The following AMZ1 variants were observed in gnomAD, a reference collection of about 807,000 sequenced individuals.
The protein encoded by AMZ1 is archaelysin family metallopeptidase 1.
Under a neutral mutation model 29.9 loss-of-function variants are expected in AMZ1, and 39 were observed. That is an observed-to-expected ratio of 1.30 (90% CI 1.01 to 1.70). The LOEUF (loss-of-function observed/expected upper bound fraction) is 1.70. Ranked by LOEUF, AMZ1 falls within the 40% of genes most tolerant of loss-of-function variation. The pLI is 0.00. For synonymous variants in AMZ1, 458 were observed against 304.0 expected, an observed-to-expected ratio of 1.51 and a Z score of -5.27; for missense variants, 1,041 against 680.6, an observed-to-expected ratio of 1.53 and a Z score of -5.89.
intron 4 of AMZ1, among the ~76,000 whole-genome samples, chr7:2,759,377 A>G (rs375712210): frequency 9.9e-5 from 15 of 152,152 alleles, no homozygotes; most frequent in Admixed American, 6.5e-4. Context: ...GGCCTCCCCC[A>G]TATCACCTTC....
chr7:2,726,756 C>T (rs1433889155), intron 4 of AMZ1, among the ~76,000 whole-genome samples: 1 of 152,226 alleles, frequency 6.6e-6, no homozygotes, highest in East Asian at 1.9e-4. Flanking sequence ...CCCGTGATGC[C>T]GAAGAGCAAG....
chr7:2,743,961 G>A (rs576680556), intron 4 of AMZ1, among the ~76,000 whole-genome samples: 41 of 152,236 alleles, frequency 2.7e-4, no homozygotes, highest in Middle Eastern at 3.4e-3. Flanking sequence ...AGGCAGCAGC[G>A]AGGCTGGGGG....
At chr7:2,704,621 G>A (rs1770231760) in intron 3 of AMZ1, among the ~76,000 whole-genome samples, 1 of 118,120 alleles carries the variant, frequency 8.5e-6, no homozygotes, top group Non-Finnish European at 1.6e-5. Flanking sequence ...TTTTAAGACG[G>A]AGTCTTGCTG....
At chr7:2,708,459 G>C in intron 3 of AMZ1, 129 bp from the exon 4 acceptor site, 1 of 1,397,228 alleles carries the variant, frequency 7.2e-7, no homozygotes, top group Non-Finnish European at 9.6e-7. Context: ...AAACGCTGGT[G>C]GCCCACACCT....
chr7:2,723,073 C>T (rs771073183), downstream of AMZ1, among the ~76,000 whole-genome samples: 1 of 152,168 alleles, frequency 6.6e-6, no homozygotes, highest in Non-Finnish European at 1.5e-5. Context: ...ATTTGCATGG[C>T]AGTTGTACAA....
At chr7:2,687,832 C>T (rs1036014878), upstream of AMZ1, among the ~76,000 whole-genome samples, 1 of 151,800 alleles carries the variant, frequency 6.6e-6, no homozygotes, top group African/African-American at 2.4e-5. Context: ...CCTGGTTCCC[C>T]TTCCTCACCT....
At chr7:2,704,516 C>T (rs7796159) in intron 3 of AMZ1, among the ~76,000 whole-genome samples, 1 of 148,722 alleles carries the variant, frequency 6.7e-6, no homozygotes, top group Admixed American at 6.7e-5. Flanking sequence ...ATATTGTGTT[C>T]CTAATTTCAG....
intron 4 of AMZ1, among the ~76,000 whole-genome samples, chr7:2,743,189 G>C (rs913881716): frequency 6.6e-6 from 1 of 152,166 alleles, no homozygotes; most frequent in Non-Finnish European, 1.5e-5. Context: ...CGTATATATG[G>C]GGGCAAACTG....
intron 6 of AMZ1, among the ~76,000 whole-genome samples, chr7:2,711,076 C>T (rs967696276): frequency 7.2e-4 from 109 of 151,916 alleles, no homozygotes; most frequent in African/African-American, 2.5e-3. Flanking sequence ...AGCCTGGATC[C>T]ACCTGGATCT....
At chr7:2,711,707 C>T (rs1788790214) in intron 6 of AMZ1, among the ~76,000 whole-genome samples, 1 of 152,150 alleles carries the variant, frequency 6.6e-6, no homozygotes, top group Non-Finnish European at 1.5e-5. Flanking sequence ...GCGTGAGCCA[C>T]CATGCCCACA....
Position 2,698,536 on chromosome 7 carries a change from T to TA in AMZ1, c.-218-1691dup, listed in dbSNP as rs368063989. On this transcript the variant is annotated intron_variant, in intron 1 of 6. Transcript: ENST00000683327. ...CTGGGCGACACAGCAAGACTCCATC[T>TA]AAAAAAACAAAAAGAAGTTGGGGCT... Among the ~76,000 whole-genome samples the TA allele has an allele frequency of 1.2e-3, 189 of 151,402 alleles. 1 individual carries two copies. The highest frequency in any genetic ancestry group is 4.0e-3 in the African/African-American group (166 of 41,216).
upstream of AMZ1, among the ~76,000 whole-genome samples, chr7:2,761,055 C>CG (rs1242801780): frequency 6.6e-6 from 1 of 152,204 alleles, no homozygotes. Context: ...GACATGTAAA[C>CG]GGAGTCAGGA....
rs1787977041 is a variant in AMZ1 at position 2,700,393 on chromosome 7, G to A, written c.-59G>A. Reference sequence around the variant, plus strand: ...CTGGACGAGACCGTGGCCGTCCCCCGGGTGGCCCATGGACAGCAGCAGGGG... The same window carrying A: ...CTGGACGAGACCGTGGCCGTCCCCCAGGTGGCCCATGGACAGCAGCAGGGG... On this transcript the variant is annotated 5_prime_UTR_variant, in exon 2 of 7. Coordinates refer to ENST00000683327, the MANE Select transcript of AMZ1 (RefSeq NM_001384743.1). The A allele has an allele frequency of 9.7e-6, 15 of 1,550,034 alleles. No homozygotes were observed. Among genetic ancestry groups the A allele is most frequent in the East Asian group, 2.3e-5 (1 of 44,308 alleles).
intron 4 of AMZ1, among the ~76,000 whole-genome samples, chr7:2,738,763 C>T (rs543573062): frequency 5.9e-5 from 9 of 152,226 alleles, no homozygotes; most frequent in Non-Finnish European, 1.0e-4. Flanking sequence ...CAAATTAAAG[C>T]AAATGAACCC....
At chr7:2,689,462 A>G (rs1231859717) in intron 1 of AMZ1, among the ~76,000 whole-genome samples, 2 of 152,154 alleles carry the variant, frequency 1.3e-5, no homozygotes, top group Non-Finnish European at 2.9e-5. Context: ...TACCCATGGT[A>G]TTAATAGCAG....
Position 2,733,138 on chromosome 7 carries a change from G to A in AMZ1, n.550+23322G>A, listed in dbSNP as rs138911857. ...ATCAGTGATAACTGCCATGCCTGGG[G>A]TTTCATTAGACTATTTGTTTTTGAG... is the stretch of plus-strand genomic sequence containing the variant. On this transcript the variant is annotated intron_variant and non_coding_transcript_variant, in intron 4 of 4. Coordinates refer to the AMZ1 transcript ENST00000489665. Among the ~76,000 whole-genome samples the A allele has an allele frequency of 4.2e-3, 647 of 152,288 alleles. 6 individuals carry two copies. The highest frequency in any genetic ancestry group is 0.015 in the African/African-American group (619 of 41,550).
chr7:2,711,979 G>A (rs921934682), intron 6 of AMZ1, among the ~76,000 whole-genome samples: 1 of 152,152 alleles, frequency 6.6e-6, no homozygotes. Flanking sequence ...CCTGGGAGGG[G>A]GAGGTTGCAG....
chr7:2,706,660 C>G (rs1788370119), intron 3 of AMZ1, among the ~76,000 whole-genome samples: 1 of 152,226 alleles, frequency 6.6e-6, no homozygotes, highest in Non-Finnish European at 1.5e-5. Context: ...CGCCATGTGC[C>G]TCTGCGTCTC....
intron 4 of AMZ1, among the ~76,000 whole-genome samples, chr7:2,737,294 T>TG (rs1220847286): frequency 4.3e-5 from 5 of 117,112 alleles, no homozygotes; most frequent in Admixed American, 1.8e-4. Context: ...TTTTTGTTTT[T>TG]TTTTTTTTTT....
Sources: gnomAD v4.1 joint callset for allele counts (sites outside exome capture counted in the v4.1 genomes callset) on GRCh38, gnomAD v4.1.1 for gene constraint, MANE v1.5 for transcripts, NCBI Gene and HGNC (gene_info 2026-07-23, HGNC 2026-07-21) for gene names.